Variants in FRMD4B observed in about 807,000 individuals in gnomAD.
FRMD4B encodes FERM domain-containing protein 4B.
In FRMD4B, 74 loss-of-function variants were observed where a neutral mutation model predicts 141.5. The observed-to-expected ratio is 0.52, with a 90% CI of 0.43 to 0.63. FRMD4B has a LOEUF of 0.63. Among genes scored for constraint, FRMD4B ranks in the 30% least tolerant of loss-of-function variants. The pLI is 0.00. For synonymous variants in FRMD4B, 506 were observed against 467.9 expected, an observed-to-expected ratio of 1.08 and a Z score of -1.05; for missense variants, 1,366 against 1,253.4, an observed-to-expected ratio of 1.09 and a Z score of -1.36.
chr3:69,501,885 A>C (rs1477443579), intron 1 of FRMD4B, among the ~76,000 whole-genome samples: 1 of 152,096 alleles, frequency 6.6e-6, no homozygotes, highest in Non-Finnish European at 1.5e-5. Context: ...TATACACCAA[A>C]AACAGACAAA....
intron 9 of FRMD4B, 121 bp from the exon 10 acceptor site, chr3:69,218,500 T>A (rs1284685755): frequency 1.2e-5 from 7 of 570,820 alleles, no homozygotes; most frequent in Non-Finnish European, 2.2e-5. Flanking sequence ...TTAATATGTT[T>A]CACTCAAGTA....
intron 5 of FRMD4B, among the ~76,000 whole-genome samples, chr3:69,260,342 G>A (rs1312780381): frequency 3.9e-5 from 6 of 152,216 alleles, no homozygotes; most frequent in Admixed American, 6.5e-5. Flanking sequence ...CCGGGTGGGC[G>A]TGGGCTCGGC....
chr3:69,324,865 G>A (rs959968229), intron 1 of FRMD4B, among the ~76,000 whole-genome samples: 2 of 72,270 alleles, frequency 2.8e-5, no homozygotes, highest in Non-Finnish European at 4.2e-5. Flanking sequence ...GGCTGAGGCG[G>A]GGGGGGATTG....
At chr3:69,494,088 C>T (rs1320509829) in intron 1 of FRMD4B, among the ~76,000 whole-genome samples, 1 of 152,164 alleles carries the variant, frequency 6.6e-6, no homozygotes, top group African/African-American at 2.4e-5. Context: ...ATATGTTGCC[C>T]AGGCTGGTCT....
intron 1 of FRMD4B, among the ~76,000 whole-genome samples, chr3:69,481,540 A>C (rs1706124956): frequency 6.6e-6 from 1 of 152,200 alleles, no homozygotes. Flanking sequence ...CGTAACAGTT[A>C]GGCAGTAAGA....
chr3:69,171,745 T>C lies in FRMD4B; in HGVS notation c.*116A>G. 1 of 999,380 alleles carries C rather than the reference T, an allele frequency of 1.0e-6. No homozygotes were observed. The highest frequency in any genetic ancestry group is 2.2e-4 in the Middle Eastern group (1 of 4,512). 61.9% of individuals were successfully genotyped at this position (999,380 alleles called of 1,614,324 possible). ...ACTTCCAGGGCAACTAAGTCTTCTC[T>C]TCAACCTTTGATGTCTTTAGGTTTC... On this transcript the variant is annotated 3_prime_UTR_variant, in exon 23 of 23. Transcript: ENST00000398540.
At chr3:69,499,701 G>A (rs945208800) in intron 1 of FRMD4B, among the ~76,000 whole-genome samples, 1 of 152,144 alleles carries the variant, frequency 6.6e-6, no homozygotes, top group Non-Finnish European at 1.5e-5. Flanking sequence ...CAGAGAGAGA[G>A]AGAGAGAGAG....
intron 1 of FRMD4B, among the ~76,000 whole-genome samples, chr3:69,328,063 C>G (rs1223568140): frequency 6.6e-6 from 1 of 152,090 alleles, no homozygotes; most frequent in Non-Finnish European, 1.5e-5. Flanking sequence ...TTGGCAAGCA[C>G]CAGGGAACAT....
intron 2 of FRMD4B, among the ~76,000 whole-genome samples, chr3:69,405,217 T>C (rs1478818921): frequency 1.3e-5 from 2 of 152,230 alleles, no homozygotes; most frequent in Non-Finnish European, 1.5e-5. Flanking sequence ...GGTGTGTTCC[T>C]TTACACGTGT....
At chr3:69,536,655 G>A (rs1181955496) in intron 1 of FRMD4B, 6 of 981,212 alleles carry the variant, frequency 6.1e-6, no homozygotes, top group Admixed American at 1.9e-5. Flanking sequence ...GGAAGTCGAG[G>A]AGAGTGAGAT....
intron 2 of FRMD4B, among the ~76,000 whole-genome samples, chr3:69,394,338 C>T (rs2106732392): frequency 6.6e-6 from 1 of 152,356 alleles, no homozygotes; most frequent in African/African-American, 2.4e-5. Flanking sequence ...AATACCATCA[C>T]ATTGGTGTAT....
chr3:69,321,420 G>A (rs954775026), intron 1 of FRMD4B, among the ~76,000 whole-genome samples: 10 of 152,104 alleles, frequency 6.6e-5, no homozygotes, highest in African/African-American at 1.9e-4. Context: ...GTGAGAAAGG[G>A]CCTGCTTCAT....
chr3:69,170,158 T>A lies in FRMD4B; in HGVS notation c.*1703A>T, dbSNP rs2092569626. 1 of 152,178 alleles carries A rather than the reference T, an allele frequency of 6.6e-6. No homozygotes were observed. Among genetic ancestry groups the A allele is most frequent in the South Asian group, 2.1e-4 (1 of 4,832 alleles). 9.4% of individuals were successfully genotyped at this position (152,178 alleles called of 1,614,324 possible). On this transcript the variant is annotated 3_prime_UTR_variant, in exon 23 of 23. Transcript: ENST00000398540. ...TCCCGGAATTAATAAAATACGGTAATACTATAAATAAAAATCCGAAGCCTT... is the reference window on the plus strand; with the variant it reads ...TCCCGGAATTAATAAAATACGGTAAAACTATAAATAAAAATCCGAAGCCTT...
At chr3:69,386,764 G>C (rs1313441468), upstream of FRMD4B, among the ~76,000 whole-genome samples, 4 of 152,316 alleles carry the variant, frequency 2.6e-5, no homozygotes, top group South Asian at 2.1e-4. Flanking sequence ...TTGCCAGCAG[G>C]AAGGCAGGTT....
At chr3:69,481,391 G>A (rs1002514678) in intron 1 of FRMD4B, among the ~76,000 whole-genome samples, 1 of 152,124 alleles carries the variant, frequency 6.6e-6, no homozygotes, top group Non-Finnish European at 1.5e-5. Flanking sequence ...TCATGATAGT[G>A]TTGGTTACTG....
intron 1 of FRMD4B, among the ~76,000 whole-genome samples, chr3:69,374,885 T>C (rs1703924001): frequency 6.6e-6 from 1 of 152,074 alleles, no homozygotes; most frequent in Admixed American, 6.6e-5. Flanking sequence ...TCTGCAAACT[T>C]TAGAAGCTTC....
intron 5 of FRMD4B, among the ~76,000 whole-genome samples, chr3:69,283,924 T>A (rs2093655278): frequency 7.1e-6 from 1 of 140,376 alleles, no homozygotes; most frequent in African/African-American, 2.7e-5. Context: ...CAAGATGGAG[T>A]AACAGGGACT....
intron 2 of FRMD4B, among the ~76,000 whole-genome samples, chr3:69,410,726 A>AATATATATATATAT (rs767608068): frequency 5.8e-5 from 5 of 86,334 alleles, no homozygotes; most frequent in Admixed American, 2.9e-4. Context: ...TAAATAAATA[A>AATATATATATATAT]ATATATATAT....
At chr3:69,469,670 A>T (rs1705855522) in intron 1 of FRMD4B, among the ~76,000 whole-genome samples, 1 of 152,230 alleles carries the variant, frequency 6.6e-6, no homozygotes, top group South Asian at 2.1e-4. Flanking sequence ...CAAGATTATT[A>T]TTAATCACAG....
Sources: allele counts gnomAD v4.1 joint callset (sites outside exome capture counted in the v4.1 genomes callset), GRCh38; gene constraint gnomAD v4.1.1; transcripts MANE v1.5; gene names NCBI Gene and HGNC (gene_info 2026-07-23, HGNC 2026-07-21).